DNM2: variants seen among roughly 807,000 people sequenced by gnomAD.
The protein encoded by DNM2 is dynamin-2.
Under a neutral mutation model 99.0 loss-of-function variants are expected in DNM2, and 15 were observed. The observed-to-expected ratio is 0.15, with a 90% CI of 0.10 to 0.23. The LOEUF (loss-of-function observed/expected upper bound fraction) is 0.23, where lower values mean the gene tolerates loss of function less well. Among genes scored for constraint, DNM2 ranks in the 10% least tolerant of loss-of-function variants. DNM2 has a pLI of 1.00. For synonymous variants in DNM2, 525 were observed against 481.2 expected (o/e 1.09, Z -1.19); for missense variants, 742 against 1,189.4 (o/e 0.62, Z 5.53).
chr19:10,776,055 A>G, intron 4 of DNM2, 149 bp downstream of exon 4: 1 of 1,048,612 alleles, frequency 9.5e-7, no homozygotes, highest in Non-Finnish European at 1.4e-6. Flanking sequence ...TCCTCCGAGA[A>G]CCAGCAGTGC....
chr19:10,786,936 C>T (rs965161664), intron 7 of DNM2, among the ~76,000 whole-genome samples: 3 of 152,130 alleles, frequency 2.0e-5, no homozygotes, highest in Admixed American at 6.5e-5. Flanking sequence ...GGAAGTGGGA[C>T]GAATGGGACA....
At chr19:10,768,337 C>G (rs943765529) in intron 2 of DNM2, among the ~76,000 whole-genome samples, 2 of 152,066 alleles carry the variant, frequency 1.3e-5, no homozygotes, top group African/African-American at 2.4e-5. Context: ...GCCTGTCGTC[C>G]CAGCTACTTA....
rs2069459660 is a variant in DNM2, at chr19:10,734,697, C to G, written c.161+16294C>G. ...GAATGTACAGATTTCTTCAATTTTTCCCATATGAGACTAATTTAAAAAAAA... is the reference window on the plus strand; with the variant it reads ...GAATGTACAGATTTCTTCAATTTTTGCCATATGAGACTAATTTAAAAAAAA... On this transcript the variant is annotated intron_variant, in intron 1 of 20. Coordinates refer to ENST00000389253, the MANE Select transcript of DNM2 (RefSeq NM_001005361.3). 3.4e-5 allele frequency among the ~76,000 whole-genome samples: 5 copies of G among 148,274 alleles called. No homozygotes were observed. In the South Asian group the frequency reaches 1.1e-3, roughly 32 times the overall value.
chr19:10,718,136 G>T lies in DNM2; in HGVS notation c.-107G>T, dbSNP rs978523751. ...AGCCGGGAGCGGGCGTCTTGCCGAG[G>T]CCCGGGCGGGCGGGGAGCAACGGCT... On this transcript the variant is annotated 5_prime_UTR_variant, in exon 1 of 21. Transcript: ENST00000389253. 34 of 1,200,808 alleles carry T rather than the reference G, an allele frequency of 2.8e-5. No individual in the cohort carries two copies. The highest frequency in any genetic ancestry group is 4.4e-5 in the Admixed American group (1 of 22,810). The allele number at this position is 1,200,808 out of a possible 1,614,324, so 74.4% of individuals were successfully genotyped here.
In DNM2 at chr19:10,811,571, C is replaced by T. The variant is rs550457852; in HGVS notation, c.1558-693C>T. On this transcript the variant is annotated intron_variant, in intron 14 of 20. Coordinates refer to ENST00000389253, the MANE Select transcript of DNM2 (RefSeq NM_001005361.3). This position sits in a 1 kb window ranked among gnomAD's most constrained non-coding sequence, Gnocchi z 5.4. ...TGTGCTTCCTGCAGCTCCCAGGGCC[C>T]TCGTCCTGAGTGGGGTGGGGGGCTC... is the stretch of plus-strand genomic sequence containing the variant. The T allele has an allele frequency of 2.8e-5, 11 of 397,832 alleles. No homozygotes were observed. In the East Asian group the frequency reaches 5.0e-4, roughly 18 times the overall value. 24.6% of individuals were successfully genotyped at this position (397,832 alleles called of 1,614,324 possible). A position where few individuals can be genotyped will look rare whatever the true frequency, so the allele number is the denominator to read the frequency against.
intron 16 of DNM2, among the ~76,000 whole-genome samples, chr19:10,822,644 A>G (rs983583950): frequency 6.6e-6 from 1 of 151,954 alleles, no homozygotes; most frequent in South Asian, 2.1e-4. Context: ...GATTACAGGC[A>G]TGCAGTACCA....
Position 10,830,958 on chromosome 19 carries a change from T to C in DNM2, c.2544-20T>C. On this transcript the variant is annotated intron_variant, in intron 20 of 20. Coordinates refer to ENST00000389253, the MANE Select transcript of DNM2 (RefSeq NM_001005361.3). The surrounding 1 kb of genome is among the most constrained non-coding windows in gnomAD (Gnocchi z 4.8). ...TCACTGCCGTCTCCCCCTCCCCACC[T>C]GTCTTTATTCTCTTTGCAGCAGAAG... 7 of 1,606,960 alleles carry C rather than the reference T, an allele frequency of 4.4e-6. No individual in the cohort carries two copies. Among genetic ancestry groups the C allele is most frequent in the Non-Finnish European group, 5.9e-6 (7 of 1,176,766 alleles).
Position 10,823,911 on chromosome 19 carries a change from T to G in DNM2, c.1893+12T>G. ...CCGAGAAGGACCAGGTGAGGAGCCG[T>G]CCTGCGCAGCCAGGCCCAGAGCCCC... On this transcript the variant is annotated intron_variant, in intron 17 of 20. Transcript: ENST00000389253. The G allele has an allele frequency of 6.2e-7, 1 of 1,612,064 alleles. No individual in the cohort carries two copies. Among genetic ancestry groups the G allele is most frequent in the Non-Finnish European group, 8.5e-7 (1 of 1,179,610 alleles).
Position 10,718,162 on chromosome 19 carries a change from A to G in DNM2, c.-81A>G. ...CCCGGGCGGGCGGGGAGCAACGGCTACAGACGCCGCGGGGCCAGGTCGTTG... is the reference window on the plus strand; with the variant it reads ...CCCGGGCGGGCGGGGAGCAACGGCTGCAGACGCCGCGGGGCCAGGTCGTTG... On this transcript the variant is annotated 5_prime_UTR_variant, in exon 1 of 21. Coordinates refer to ENST00000389253, the MANE Select transcript of DNM2 (RefSeq NM_001005361.3). 7.8e-7 allele frequency: 1 copy of G among 1,281,094 alleles called. No homozygotes were observed. Among genetic ancestry groups the G allele is most frequent in the Non-Finnish European group, 9.9e-7 (1 of 1,013,004 alleles). The allele number at this position is 1,281,094 out of a possible 1,614,324, so 79.4% of individuals were successfully genotyped here. A position where few individuals can be genotyped will look rare whatever the true frequency, so the allele number is the denominator to read the frequency against.
chr19:10,753,153 A>G (rs2070258193), intron 1 of DNM2, among the ~76,000 whole-genome samples: 1 of 152,080 alleles, frequency 6.6e-6, no homozygotes, highest in Non-Finnish European at 1.5e-5. Context: ...AAGGTTAATA[A>G]TCATGAAAAG....
At chr19:10,780,662 TCATGCCTATAACCC>T (rs894580864) in intron 5 of DNM2, among the ~76,000 whole-genome samples, 2 of 152,104 alleles carry the variant, frequency 1.3e-5, no homozygotes, top group Non-Finnish European at 2.9e-5. Flanking sequence ...GCGTGGTGGC[TCATGCCTATAACCC>T]CAGGATTTTG....
At chr19:10,748,496 G>A (rs917741156) in intron 1 of DNM2, among the ~76,000 whole-genome samples, 1 of 152,202 alleles carries the variant, frequency 6.6e-6, no homozygotes, top group African/African-American at 2.4e-5. Context: ...GCACTGTAAG[G>A]CTTGGGCGTC....
rs1368089327 is a variant in DNM2, at chr19:10,825,221, T to C, written c.2058T>C (p.Asn686=). The C allele has an allele frequency of 6.2e-7, 1 of 1,613,712 alleles. No homozygotes were observed. Among genetic ancestry groups the C allele is most frequent in the African/African-American group, 1.3e-5 (1 of 74,888 alleles). ...CCATCATGCACCTCATGATCAACAA[T>C]GTGAGTGGAGAACTAAAAATGAGAA... The part of the protein sequence containing the change: ...PKTIMHLMIN[N]TKAFIHHELL... Residue 686 remains asparagine, a splice_region_variant and synonymous_variant, in exon 18 of 21, where the codon AAT becomes AAC. Transcript: ENST00000389253.
rs569340682 is a variant in DNM2 at position 10,745,824 on chromosome 19, C to A, written c.162-13914C>A. On this transcript the variant is annotated intron_variant, in intron 1 of 20. Coordinates refer to ENST00000389253, the MANE Select transcript of DNM2 (RefSeq NM_001005361.3). ...GGGACAGACCTCTCTGAGGAGGTGA[C>A]ATCTGAGTTGAGTCCCTGGTAACCG... Among the ~76,000 whole-genome samples, 55 of 152,286 alleles carry A rather than the reference C, an allele frequency of 3.6e-4. No homozygotes were observed. In the South Asian group the frequency reaches 3.9e-3, roughly 11 times the overall value.
At chr19:10,732,765 C>T (rs2069377497) in intron 1 of DNM2, among the ~76,000 whole-genome samples, 1 of 152,004 alleles carries the variant, frequency 6.6e-6, no homozygotes, top group African/African-American at 2.4e-5. Context: ...ACCAGTGAGC[C>T]TATAAGTCTA....
chr19:10,718,545 G>A (rs867740352), intron 1 of DNM2, 142 bp downstream of exon 1: 43 of 1,178,008 alleles, frequency 3.7e-5, no homozygotes, highest in Middle Eastern at 6.6e-4. Context: ...CGGGGAGGCG[G>A]GCCCTGTGGG....
chr19:10,830,207 C>T lies in DNM2; in HGVS notation c.2372C>T (p.Pro791Leu), dbSNP rs780738840. ...GCAGTGAGGGGCCCCACTCCAGGGC[C>T]CCCCCTGATTCCTGTTCCCGTGGGG... ...PPAVRGPTPG[P>L]PLIPVPVGAA... Residue 791 changes from proline to leucine, a missense_variant, in exon 20 of 21, where the codon CCC becomes CTC. By Grantham distance (98) the Pro-to-Leu change is moderately conservative (BLOSUM62 -3). This residue lies in a region of DNM2 where 187 missense variants were observed against 218.8 expected (regional missense o/e 0.85). Coordinates refer to ENST00000389253, the MANE Select transcript of DNM2 (RefSeq NM_001005361.3). This position sits in a 1 kb window ranked among gnomAD's most constrained non-coding sequence, Gnocchi z 4.8. 3.1e-6 allele frequency: 5 copies of T among 1,613,860 alleles called. No individual in the cohort carries two copies. The highest frequency in any genetic ancestry group is 2.2e-5 in the East Asian group (1 of 44,850).
chr19:10,732,048 A>G (rs148112494), intron 1 of DNM2, among the ~76,000 whole-genome samples: 12,548 of 145,616 alleles, frequency 0.086, 548 homozygotes, highest in Middle Eastern at 0.12. Context: ...TCCGCCTCCC[A>G]GGTTCAAGCG....
Position 10,805,978 on chromosome 19 carries a change from C to T in DNM2, c.1545+11C>T, listed in dbSNP as rs1555712626. 2 of 1,614,152 alleles carry T rather than the reference C, an allele frequency of 1.2e-6. No homozygotes were observed. Among genetic ancestry groups the T allele is most frequent in the Non-Finnish European group, 8.5e-7 (1 of 1,180,028 alleles). ...GCCATCCCCAATCAGGTAGCACACC[C>T]CTCTGCAGTCTCCCGCTCTACCCTG... On this transcript the variant is annotated intron_variant, in intron 13 of 20. Coordinates refer to ENST00000389253, the MANE Select transcript of DNM2 (RefSeq NM_001005361.3).
Sources: gnomAD v4.1 joint callset for allele counts (sites outside exome capture counted in the v4.1 genomes callset) on GRCh38, gnomAD v4.1.1 for gene constraint, gnomAD v4.1.1 regional missense constraint, Gnocchi (gnomAD v3.1) non-coding constraint, MANE v1.5 for transcripts, NCBI Gene and HGNC (gene_info 2026-07-23, HGNC 2026-07-21) for gene names.